Variants in FRMD5 observed in about 807,000 individuals in gnomAD.
FRMD5 encodes FERM domain containing 5, also known as FERM domain-containing protein 5.
FRMD5 carries 20 observed loss-of-function variants against 69.0 expected under a neutral mutation model. That is an observed-to-expected ratio of 0.29 (90% CI 0.20 to 0.42). The LOEUF is 0.42. FRMD5 is among the 10% of genes least tolerant of loss of function. The pLI is 1.00. For missense variants in FRMD5, 595 were observed against 708.6 expected, an observed-to-expected ratio of 0.84 and a Z score of 1.82; for synonymous variants, 271 against 260.1, an observed-to-expected ratio of 1.04 and a Z score of -0.40.
chr15:43,908,925 T>TG (rs2089232440), intron 5 of FRMD5, among the ~76,000 whole-genome samples: 1 of 152,084 alleles, frequency 6.6e-6, no homozygotes, highest in African/African-American at 2.4e-5. Flanking sequence ...CCTGAGAGGA[T>TG]GGGGAAAAAA....
chr15:44,045,440 C>A (rs765425846), intron 1 of FRMD5, among the ~76,000 whole-genome samples: 1 of 152,058 alleles, frequency 6.6e-6, no homozygotes. Flanking sequence ...CTTGACTACA[C>A]TTAAATGATT....
chr15:43,927,314 A>G (rs190818137), intron 1 of FRMD5, among the ~76,000 whole-genome samples: 2 of 152,228 alleles, frequency 1.3e-5, no homozygotes, highest in African/African-American at 2.4e-5. Flanking sequence ...TGCTAGCCTC[A>G]TACTCCCTCT....
chr15:43,891,961 T>G lies in FRMD5; in HGVS notation c.728+20A>C, dbSNP rs199670344. Reference sequence around the variant, plus strand: ...GTTGGTGAGATATAAAGAGCCTATTTTGGAAATGAAGATGCTCACCATTTA... The same window carrying G: ...GTTGGTGAGATATAAAGAGCCTATTGTGGAAATGAAGATGCTCACCATTTA... On this transcript the variant is annotated intron_variant, in intron 8 of 13. Transcript: ENST00000417257. The G allele has an allele frequency of 2.5e-6, 4 of 1,604,664 alleles. No individual in the cohort carries two copies. The Admixed American group carries it at 6.7e-5, about 27-fold the overall frequency.
In FRMD5 at chr15:43,873,202, T is replaced by C. The variant is rs1365809690; in HGVS notation, c.*683A>G. On this transcript the variant is annotated 3_prime_UTR_variant, in exon 14 of 14. Transcript: ENST00000417257. ...CCTGATGCTGCTGTTGCTGTAGCGGTGGTCCCTTCAGATGCCCACTCTGCT... is the reference window on the plus strand; with the variant it reads ...CCTGATGCTGCTGTTGCTGTAGCGGCGGTCCCTTCAGATGCCCACTCTGCT... 1.9e-6 allele frequency: 3 copies of C among 1,550,528 alleles called. No individual in the cohort carries two copies. The highest frequency in any genetic ancestry group is 2.6e-6 in the Non-Finnish European group (3 of 1,146,978).
intron 1 of FRMD5, among the ~76,000 whole-genome samples, chr15:44,193,839 C>CGG: frequency 6.6e-6 from 1 of 152,122 alleles, no homozygotes; most frequent in South Asian, 2.1e-4. Flanking sequence ...AATAAGGAGG[C>CGG]GGGGGGCAAG....
chr15:44,065,729 AT>A (rs764226688), intron 1 of FRMD5, among the ~76,000 whole-genome samples: 12 of 152,246 alleles, frequency 7.9e-5, no homozygotes, highest in Admixed American at 2.0e-4. Flanking sequence ...CAATAAGCAT[AT>A]AAACTGACCT....
At chr15:44,083,400 T>C (rs985221793) in intron 1 of FRMD5, among the ~76,000 whole-genome samples, 1 of 152,024 alleles carries the variant, frequency 6.6e-6, no homozygotes, top group Admixed American at 6.6e-5. Flanking sequence ...TGGTTACTAA[T>C]TGTAATATTT....
chr15:44,113,278 G>C (rs2076824931), intron 1 of FRMD5, among the ~76,000 whole-genome samples: 2 of 152,288 alleles, frequency 1.3e-5, no homozygotes, highest in South Asian at 4.1e-4. Flanking sequence ...TTCTCATTTC[G>C]CATCACTAAG....
intron 1 of FRMD5, among the ~76,000 whole-genome samples, chr15:44,154,117 T>C (rs2077489458): frequency 6.6e-6 from 1 of 151,828 alleles, no homozygotes. Context: ...AGCCCAGGAG[T>C]TGGAGTCCAG....
At chr15:44,121,131 A>C (rs936356693) in intron 1 of FRMD5, among the ~76,000 whole-genome samples, 1 of 118,528 alleles carries the variant, frequency 8.4e-6, no homozygotes, top group African/African-American at 2.7e-5. Flanking sequence ...AAAAGAATGA[A>C]GGGGAAAAGA....
intron 1 of FRMD5, among the ~76,000 whole-genome samples, chr15:44,057,425 A>C (rs966257155): frequency 6.6e-6 from 1 of 152,152 alleles, no homozygotes; most frequent in African/African-American, 2.4e-5. Context: ...TATCTATCCT[A>C]TCTGGAGATA....
chr15:43,972,626 TGGCCGGGTGC>T (rs1297380861), intron 1 of FRMD5, among the ~76,000 whole-genome samples: 90 of 152,336 alleles, frequency 5.9e-4, no homozygotes, highest in African/African-American at 2.1e-3. Flanking sequence ...GTTGCCCCCT[TGGCCGGGTGC>T]CCTTGTACAA....
At chr15:44,101,609 T>C (rs994654796) in intron 1 of FRMD5, 22 of 152,614 alleles carry the variant, frequency 1.4e-4, no homozygotes, top group African/African-American at 4.1e-4. Flanking sequence ...TGACAATGAA[T>C]GTACTTGTTC....
chr15:44,199,065 G>A (rs1416090209), upstream of FRMD5, among the ~76,000 whole-genome samples: 2 of 152,032 alleles, frequency 1.3e-5, no homozygotes, highest in Non-Finnish European at 2.9e-5. Flanking sequence ...TCTATACCCT[G>A]CTGTTCTGGG....
chr15:44,090,857 AAAGAC>A (rs1302755730), intron 1 of FRMD5, among the ~76,000 whole-genome samples: 1 of 152,146 alleles, frequency 6.6e-6, no homozygotes, highest in Admixed American at 6.6e-5. Context: ...AATTTTTTTA[AAAGAC>A]TACTATGAAT....
chr15:44,136,212 C>T (rs1051107103), intron 1 of FRMD5, among the ~76,000 whole-genome samples: 9 of 52,964 alleles, frequency 1.7e-4, no homozygotes, highest in Non-Finnish European at 5.7e-4. Context: ...TTGGTAGAGA[C>T]GGGGTTTCAC....
chr15:43,945,531 G>A (rs1247174916), intron 1 of FRMD5, among the ~76,000 whole-genome samples: 2 of 152,112 alleles, frequency 1.3e-5, no homozygotes, highest in Non-Finnish European at 2.9e-5. Context: ...CATTATGAAT[G>A]AAGTAGGTCC....
At chr15:44,074,563 G>A (rs1893679365) in intron 1 of FRMD5, among the ~76,000 whole-genome samples, 1 of 151,906 alleles carries the variant, frequency 6.6e-6, no homozygotes, top group South Asian at 2.1e-4. Context: ...GAGTGCAGTG[G>A]CACCATCTTG....
intron 1 of FRMD5, among the ~76,000 whole-genome samples, chr15:43,936,446 C>T (rs747247938): frequency 1.1e-4 from 17 of 152,202 alleles, no homozygotes; most frequent in Non-Finnish European, 1.9e-4. Context: ...CTGCCTTGGC[C>T]TCCCAATGTG....
Sources: gnomAD v4.1 joint callset for allele counts (sites outside exome capture counted in the v4.1 genomes callset) on GRCh38, gnomAD v4.1.1 for gene constraint, MANE v1.5 for transcripts, NCBI Gene and HGNC (gene_info 2026-07-23, HGNC 2026-07-21) for gene names.